The following ANO4 variants were observed in gnomAD, a reference collection of about 807,000 sequenced individuals.
ANO4 encodes anoctamin 4.
In ANO4, 69 loss-of-function variants were observed where a neutral mutation model predicts 141.9. The ratio of observed to expected loss-of-function variants is 0.49; its 90% CI spans 0.40 to 0.59. ANO4 has a LOEUF of 0.59. Ranked by LOEUF, ANO4 falls within the 20% of genes least tolerant of loss-of-function variation. The probability of loss-of-function intolerance (pLI) is 0.00; values close to 1 mark genes in which losing one functional copy is unlikely to be tolerated. For missense variants in ANO4, 894 were observed against 1,162.2 expected (o/e 0.77, Z 3.36); for synonymous variants, 350 against 394.3 (o/e 0.89, Z 1.33).
chr12:100,804,219 G>A lies in ANO4; in HGVS notation c.-141+9192G>A, dbSNP rs534547953. ...ACATGGTGTTTGGTTTTCTGTTCCT[G>A]TGTTAGTTTGCTGAGGATAATGGCT... On this transcript the variant is annotated intron_variant, in intron 1 of 27. Coordinates refer to ENST00000392977, the MANE Select transcript of ANO4 (RefSeq NM_001286615.2). Among the ~76,000 whole-genome samples, 11 of 152,248 alleles carry A rather than the reference G, an allele frequency of 7.2e-5. No individual in the cohort carries two copies. In the South Asian group the frequency reaches 2.1e-3, roughly 29 times the overall value.
rs1248827927 is a variant in ANO4, at chr12:101,019,839, G to T, written c.735-195G>T. On this transcript the variant is annotated intron_variant, in intron 8 of 27. Coordinates refer to ENST00000392977, the MANE Select transcript of ANO4 (RefSeq NM_001286615.2). ...CCTTCCTAGCATGAACGATGTTGAT[G>T]CTGAAAACCAAAACTACTCATACCT... Among the ~76,000 whole-genome samples the T allele has an allele frequency of 2.6e-5, 4 of 152,162 alleles. No homozygotes were observed. In the East Asian group the frequency reaches 7.7e-4, roughly 29 times the overall value.
intron 1 of ANO4, among the ~76,000 whole-genome samples, chr12:100,803,223 C>T (rs115278564): frequency 0.022 from 3,305 of 152,136 alleles, 90 homozygotes; most frequent in African/African-American, 0.063. Flanking sequence ...ACTCCAACCC[C>T]GGGAGCAGAG....
intron 6 of ANO4, 101 bp from the exon 7 acceptor site, chr12:100,974,744 A>G: frequency 7.8e-7 from 1 of 1,282,456 alleles, no homozygotes; most frequent in Non-Finnish European, 1.1e-6. Flanking sequence ...TTCACCTCTT[A>G]CAGGCTTCTA....
At chr12:100,911,153 T>G (rs2041082950) in intron 2 of ANO4, among the ~76,000 whole-genome samples, 3 of 152,218 alleles carry the variant, frequency 2.0e-5, no homozygotes, top group African/African-American at 7.2e-5. Context: ...TCAACTGTTT[T>G]CATTCATTAT....
intron 4 of ANO4, among the ~76,000 whole-genome samples, chr12:100,941,957 AATTATTATTATTATTATT>A (rs138288410): frequency 2.1e-5 from 3 of 143,150 alleles, no homozygotes; most frequent in African/African-American, 5.1e-5. Flanking sequence ...CAATGAAAAA[AATTATTATTATTATTATT>A]ATTATTATTA....
chr12:100,789,017 G>A (rs909626076), intron 3 of ANO4, among the ~76,000 whole-genome samples: 2 of 152,138 alleles, frequency 1.3e-5, no homozygotes, highest in African/African-American at 2.4e-5. Flanking sequence ...ATCTTGGTGA[G>A]TTCAAGAAAC....
chr12:101,078,845 AT>A (rs1031448585), intron 14 of ANO4, among the ~76,000 whole-genome samples: 4 of 152,192 alleles, frequency 2.6e-5, no homozygotes, highest in South Asian at 2.1e-4. Flanking sequence ...ATAAAAAAAA[AT>A]AAATGCTGTA....
intron 3 of ANO4, among the ~76,000 whole-genome samples, chr12:100,772,362 C>A (rs1593303721): frequency 6.6e-6 from 1 of 152,240 alleles, no homozygotes; most frequent in Non-Finnish European, 1.5e-5. Flanking sequence ...CCCTTGTTTC[C>A]CTACCTCTTT....
At chr12:100,919,535 G>A (rs1306736329) in intron 2 of ANO4, among the ~76,000 whole-genome samples, 1 of 152,096 alleles carries the variant, frequency 6.6e-6, no homozygotes, top group Non-Finnish European at 1.5e-5. Context: ...TGTAACCTAG[G>A]TGTGTGGTAG....
chr12:100,934,066 T>C (rs902494251), intron 3 of ANO4, among the ~76,000 whole-genome samples: 2 of 152,230 alleles, frequency 1.3e-5, no homozygotes, highest in African/African-American at 2.4e-5. Context: ...ACTCTGATGG[T>C]AGTTTCTTTT....
At chr12:100,892,029 A>T (rs529689325) in intron 1 of ANO4, among the ~76,000 whole-genome samples, 1 of 152,306 alleles carries the variant, frequency 6.6e-6, no homozygotes, top group African/African-American at 2.4e-5. Flanking sequence ...GGCTTATTTT[A>T]CTTAATGTCC....
At chr12:100,905,994 G>T (rs977591041) in intron 2 of ANO4, among the ~76,000 whole-genome samples, 1 of 152,186 alleles carries the variant, frequency 6.6e-6, no homozygotes, top group African/African-American at 2.4e-5. Context: ...GAGCCACAGG[G>T]AGAAAGAGAG....
At chr12:100,853,459 A>G (rs2037993159) in intron 1 of ANO4, among the ~76,000 whole-genome samples, 1 of 152,104 alleles carries the variant, frequency 6.6e-6, no homozygotes, top group African/African-American at 2.4e-5. Flanking sequence ...TTACTTAGTA[A>G]TATTACCTTT....
At chr12:101,043,503 T>C (rs762700749) in intron 12 of ANO4, 36 bp from the exon 13 acceptor site, 15 of 1,509,920 alleles carry the variant, frequency 9.9e-6, no homozygotes, top group Non-Finnish European at 1.4e-5. Flanking sequence ...ATGTTCCATG[T>C]CATCAAAAAG....
At chr12:100,937,242 A>G (rs1310974416) in intron 3 of ANO4, among the ~76,000 whole-genome samples, 1 of 152,240 alleles carries the variant, frequency 6.6e-6, no homozygotes. Flanking sequence ...GCCTCTGTAC[A>G]TCAGTCAAGA....
At position 101,045,898 on chromosome 12, in the gene ANO4, T is replaced by A. The variant is rs138496196; in HGVS notation, c.1251+2263T>A. Among the ~76,000 whole-genome samples, 698 of 152,336 alleles carry A rather than the reference T, an allele frequency of 4.6e-3. 1 individual carries two copies. The highest frequency in any genetic ancestry group is 7.4e-3 in the Admixed American group (114 of 15,306). Reference sequence around the variant, plus strand: ...TCCTTAAGTGGATTTTTGTGCTTATTTTAAACTCCTGGTCTGCTGCCACAC... The same window carrying A: ...TCCTTAAGTGGATTTTTGTGCTTATATTAAACTCCTGGTCTGCTGCCACAC... On this transcript the variant is annotated intron_variant, in intron 13 of 27. Coordinates refer to ENST00000392977, the MANE Select transcript of ANO4 (RefSeq NM_001286615.2).
chr12:100,835,317 G>C (rs1026649101), intron 1 of ANO4, among the ~76,000 whole-genome samples: 9 of 152,070 alleles, frequency 5.9e-5, no homozygotes, highest in African/African-American at 2.2e-4. Context: ...TTGAATTACA[G>C]ATACAATGGG....
intron 1 of ANO4, among the ~76,000 whole-genome samples, chr12:100,810,001 C>T (rs1280747428): frequency 1.3e-5 from 2 of 152,084 alleles, no homozygotes; most frequent in Non-Finnish European, 2.9e-5. Flanking sequence ...AGGCATGCAG[C>T]AGTGTGCCAG....
intron 17 of ANO4, among the ~76,000 whole-genome samples, chr12:101,091,320 G>T (rs990277187): frequency 6.6e-6 from 1 of 152,128 alleles, no homozygotes; most frequent in Admixed American, 6.6e-5. Flanking sequence ...ACCTCTTTGT[G>T]CAGGGGCCAG....
Sources: gnomAD v4.1 joint callset for allele counts (sites outside exome capture counted in the v4.1 genomes callset) on GRCh38, gnomAD v4.1.1 for gene constraint, MANE v1.5 for transcripts, NCBI Gene and HGNC (gene_info 2026-07-23, HGNC 2026-07-21) for gene names.